Variants in ITPKB observed in about 807,000 individuals in gnomAD.
ITPKB encodes the protein inositol-trisphosphate 3-kinase B.
In ITPKB, 13 loss-of-function variants were observed where a neutral mutation model predicts 69.4. The observed-to-expected ratio is 0.19, with a 90% CI of 0.12 to 0.30. The LOEUF (loss-of-function observed/expected upper bound fraction) is 0.30, where lower values mean the gene tolerates loss of function less well. Ranked by LOEUF, ITPKB falls within the 10% of genes least tolerant of loss-of-function variation. The pLI is 1.00. For missense variants in ITPKB, 1,240 were observed against 1,250.5 expected (o/e 0.99, Z 0.13); for synonymous variants, 584 against 513.7 (o/e 1.14, Z -1.85).
Position 226,726,433 on chromosome 1 carries a change from T to C in ITPKB, c.1932+9094A>G, listed in dbSNP as rs577908427. ...CAACACTTTGGGAGGCCAAGGCGGA[T>C]TGGGAGGCCAAGGTGGAAGGATCGC... On this transcript the variant is annotated intron_variant, in intron 2 of 7. Coordinates refer to ENST00000429204, the MANE Select transcript of ITPKB (RefSeq NM_002221.4). 5.3e-5 allele frequency among the ~76,000 whole-genome samples: 8 copies of C among 152,200 alleles called. No homozygotes were observed. The South Asian group carries it at 6.2e-4, about 12-fold the overall frequency.
chr1:226,711,878 TC>T (rs903255408), intron 2 of ITPKB, among the ~76,000 whole-genome samples: 28 of 152,224 alleles, frequency 1.8e-4, no homozygotes, highest in African/African-American at 6.5e-4. Context: ...ACCATGTTGG[TC>T]CCCAGCTCAG....
Position 226,634,423 on chromosome 1 carries a change from C to T in ITPKB, c.*248G>A. 2.0e-6 allele frequency: 1 copy of T among 507,650 alleles called. No homozygotes were observed. Among genetic ancestry groups the T allele is most frequent in the Non-Finnish European group, 3.6e-6 (1 of 281,398 alleles). The allele number at this position is 507,650 out of a possible 1,614,324, so 31.4% of individuals were successfully genotyped here. Reference sequence around the variant, plus strand: ...GACCCCCTCCAGCTCTACACCTGACCCACCTCTAAGACTGGGCATTTCTCT... The same window carrying T: ...GACCCCCTCCAGCTCTACACCTGACTCACCTCTAAGACTGGGCATTTCTCT... On this transcript the variant is annotated 3_prime_UTR_variant, in exon 8 of 8. Transcript: ENST00000429204. The surrounding 1 kb of genome is among the most constrained non-coding windows in gnomAD (Gnocchi z 6.3).
At chr1:226,640,527 G>A (rs1353297899) in intron 5 of ITPKB, among the ~76,000 whole-genome samples, 5 of 152,194 alleles carry the variant, frequency 3.3e-5, no homozygotes, top group African/African-American at 9.7e-5. Flanking sequence ...CTAAGGGCGG[G>A]GCAGGCAGGT....
At chr1:226,661,256 T>C (rs938300135) in intron 2 of ITPKB, among the ~76,000 whole-genome samples, 2 of 152,202 alleles carry the variant, frequency 1.3e-5, no homozygotes, top group African/African-American at 4.8e-5. Flanking sequence ...GCCCATAGCA[T>C]GCGAGCTGTT....
chr1:226,666,021 T>C (rs769537287), intron 2 of ITPKB, among the ~76,000 whole-genome samples: 10 of 152,204 alleles, frequency 6.6e-5, no homozygotes, highest in Non-Finnish European at 1.0e-4. Flanking sequence ...CAAAAGCTCC[T>C]GGCCATCTGC....
chr1:226,735,537 T>C lies in ITPKB; in HGVS notation c.1922A>G (p.Lys641Arg). ...CAGAGCAAGACTTACCACTCTAGGTTTCTGCTGGTCCAGGGTATGCAGGAA... is the reference window on the plus strand; with the variant it reads ...CAGAGCAAGACTTACCACTCTAGGTCTCTGCTGGTCCAGGGTATGCAGGAA... ...SAFLHTLDQQ[K>R]PRVSKSWRKI... Residue 641 changes from lysine (K) to arginine (R), a missense_variant, in exon 2 of 8, where the codon AAA (lysine) becomes AGA (arginine). By Grantham distance (26) the Lys-to-Arg change is conservative. Coordinates refer to ENST00000429204, the MANE Select transcript of ITPKB (RefSeq NM_002221.4). 6.6e-7 allele frequency: 1 copy of C among 1,514,968 alleles called. No individual in the cohort carries two copies. Among genetic ancestry groups the C allele is most frequent in the Non-Finnish European group, 8.8e-7 (1 of 1,130,256 alleles). The allele number at this position is 1,514,968 out of a possible 1,614,324, so 93.8% of individuals were successfully genotyped here. A position where few individuals can be genotyped will look rare whatever the true frequency, so the allele number is the denominator to read the frequency against.
chr1:226,672,677 G>T (rs1370222665), intron 2 of ITPKB, among the ~76,000 whole-genome samples: 1 of 152,208 alleles, frequency 6.6e-6, no homozygotes, highest in Non-Finnish European at 1.5e-5. Flanking sequence ...AAGGCCTAAG[G>T]ATCTCAGCAA....
At chr1:226,705,398 G>A (rs769552938) in intron 2 of ITPKB, among the ~76,000 whole-genome samples, 2 of 152,050 alleles carry the variant, frequency 1.3e-5, no homozygotes, top group Non-Finnish European at 2.9e-5. Context: ...GCGTGGTGAC[G>A]CGTGCCTGTA....
intron 6 of ITPKB, among the ~76,000 whole-genome samples, chr1:226,638,169 C>G (rs949328562): frequency 6.6e-6 from 1 of 152,200 alleles, no homozygotes; most frequent in Non-Finnish European, 1.5e-5. Context: ...CCGGGCCAGC[C>G]GAGCAGCCCC....
intron 2 of ITPKB, among the ~76,000 whole-genome samples, chr1:226,703,353 C>A (rs527587172): frequency 6.6e-6 from 1 of 152,376 alleles, no homozygotes; most frequent in Admixed American, 6.5e-5. Flanking sequence ...GGAGTCCCTC[C>A]GCCCTCAGCT....
In ITPKB at chr1:226,641,805, A is replaced by G; in HGVS notation, c.2451+116T>C. 1.0e-6 allele frequency: 1 copy of G among 979,376 alleles called. No individual in the cohort carries two copies. The highest frequency in any genetic ancestry group is 1.5e-6 in the Non-Finnish European group (1 of 655,464). The allele number at this position is 979,376 out of a possible 1,614,324, so 60.7% of individuals were successfully genotyped here. A position where few individuals can be genotyped will look rare whatever the true frequency, so the allele number is the denominator to read the frequency against. Reference sequence around the variant, plus strand: ...TGTCTGGCCTTGGGGCGGGCCACCCACATTCTGAGCCTGTGCCTGGAGAAG... The same window carrying G: ...TGTCTGGCCTTGGGGCGGGCCACCCGCATTCTGAGCCTGTGCCTGGAGAAG... On this transcript the variant is annotated intron_variant, in intron 5 of 7. Coordinates refer to ENST00000429204, the MANE Select transcript of ITPKB (RefSeq NM_002221.4). The surrounding 1 kb of genome is among the most constrained non-coding windows in gnomAD (Gnocchi z 4.6).
In ITPKB at chr1:226,736,734, G is replaced by A. The variant is rs1307261913; in HGVS notation, c.725C>T (p.Ala242Val). 24 of 1,612,826 alleles carry A rather than the reference G, an allele frequency of 1.5e-5. No homozygotes were observed. Among genetic ancestry groups the A allele is most frequent in the Non-Finnish European group, 1.9e-5 (23 of 1,179,788 alleles). The change falls in exon 2 of 8, where the codon GCC becomes GTC. Residue 242 changes from alanine (A) to valine (V), a missense_variant. Ala to Val is a moderately conservative substitution (Grantham distance 64). Around this residue, in one of 2 missense-constraint regions of ITPKB, gnomAD observed 992 missense variants for 853.8 expected, o/e 1.16. Transcript: ENST00000429204. ...KGMPPLPGRAAPTGSEAQGPS... is the reference protein window; with the variant it reads ...KGMPPLPGRAVPTGSEAQGPS... Reference sequence around the variant, plus strand: ...ACCCTGAGCCTCTGATCCTGTAGGGGCAGCCCGGCCGGGAAGAGGTGGCAT... The same window carrying A: ...ACCCTGAGCCTCTGATCCTGTAGGGACAGCCCGGCCGGGAAGAGGTGGCAT...
intron 2 of ITPKB, among the ~76,000 whole-genome samples, chr1:226,721,269 A>G (rs1657233252): frequency 6.8e-6 from 1 of 147,988 alleles, no homozygotes; most frequent in African/African-American, 2.5e-5. Flanking sequence ...AATCGCTTGA[A>G]CCCAGGAGGC....
chr1:226,639,784 C>T, intron 5 of ITPKB, 126 bp from the exon 6 acceptor site: 1 of 695,552 alleles, frequency 1.4e-6, no homozygotes, highest in South Asian at 1.6e-5. Flanking sequence ...CCAGTGGAGG[C>T]ACCCAGGTGT....
chr1:226,669,795 A>ATGCAACATACATATAT (rs1475433100), intron 2 of ITPKB, among the ~76,000 whole-genome samples: 2 of 152,160 alleles, frequency 1.3e-5, no homozygotes, highest in Non-Finnish European at 2.9e-5. Flanking sequence ...CATACATATA[A>ATGCAACATACATATAT]TTCAACATAC....
intron 2 of ITPKB, among the ~76,000 whole-genome samples, chr1:226,664,262 G>A (rs3754390): frequency 0.23 from 35,039 of 152,206 alleles, 5,052 homozygotes; most frequent in South Asian, 0.38. Flanking sequence ...AGTCCTTCCA[G>A]TCAGTGAGCC....
At position 226,641,595 on chromosome 1, in the gene ITPKB, C is replaced by A. The variant is rs546693104; in HGVS notation, c.2451+326G>T. Among the ~76,000 whole-genome samples the A allele has an allele frequency of 6.6e-6, 1 of 152,246 alleles. No individual in the cohort carries two copies. The highest frequency in any genetic ancestry group is 2.4e-5 in the African/African-American group (1 of 41,466). On this transcript the variant is annotated intron_variant, in intron 5 of 7. Coordinates refer to ENST00000429204, the MANE Select transcript of ITPKB (RefSeq NM_002221.4). This position sits in a 1 kb window ranked among gnomAD's most constrained non-coding sequence, Gnocchi z 4.6. ...CAGTTTGCAGCCATGGCAGAATGAA[C>A]CAGCTACCCCACAGGCATCCCGCAG...
At chr1:226,649,942 T>C (rs189963278) in intron 2 of ITPKB, among the ~76,000 whole-genome samples, 196 of 152,020 alleles carry the variant, frequency 1.3e-3, no homozygotes, top group African/African-American at 4.5e-3. Flanking sequence ...GTCCCCAAAA[T>C]ACACCCGTCC....
At chr1:226,712,422 A>C (rs913443738) in intron 2 of ITPKB, among the ~76,000 whole-genome samples, 2 of 152,236 alleles carry the variant, frequency 1.3e-5, no homozygotes, top group East Asian at 3.8e-4. Context: ...ACAACTGACA[A>C]GGTGAAGAAA....
Sources: gnomAD v4.1 joint callset for allele counts (sites outside exome capture counted in the v4.1 genomes callset) on GRCh38, gnomAD v4.1.1 for gene constraint, gnomAD v4.1.1 regional missense constraint, Gnocchi (gnomAD v3.1) non-coding constraint, MANE v1.5 for transcripts, NCBI Gene and HGNC (gene_info 2026-07-23, HGNC 2026-07-21) for gene names.